The following FARP1 variants were observed in gnomAD, a reference collection of about 807,000 sequenced individuals.
The protein encoded by FARP1 is FERM, ARHGEF and pleckstrin domain-containing protein 1.
A neutral mutation model predicts 128.8 loss-of-function variants in FARP1; 52 were observed. That is an observed-to-expected ratio of 0.40 (90% CI 0.32 to 0.51). The LOEUF (loss-of-function observed/expected upper bound fraction) is 0.51. FARP1 is among the 20% of genes least tolerant of loss of function. The pLI is 0.45. For synonymous variants in FARP1, 580 were observed against 551.8 expected, an observed-to-expected ratio of 1.05 and a Z score of -0.72; for missense variants, 1,333 against 1,367.9, an observed-to-expected ratio of 0.97 and a Z score of 0.40.
At chr13:98,153,298 ATATAT>A (rs1163477450) in intron 1 of FARP1, among the ~76,000 whole-genome samples, 1 of 1,418 alleles carries the variant, frequency 7.1e-4, no homozygotes, top group African/African-American at 7.4e-4. Context: ...ATATATATAA[ATATAT>A]TTATATATAA....
chr13:98,254,290 T>C (rs1883483424), intron 2 of FARP1, among the ~76,000 whole-genome samples: 1 of 152,236 alleles, frequency 6.6e-6, no homozygotes, highest in South Asian at 2.1e-4. Flanking sequence ...GTTTAATTCT[T>C]AGCTCCGCTC....
chr13:98,212,202 C>T (rs998036736), intron 1 of FARP1, among the ~76,000 whole-genome samples: 9 of 152,222 alleles, frequency 5.9e-5, no homozygotes, highest in African/African-American at 2.2e-4. Context: ...ACTACAGGTA[C>T]ATGCCACCAC....
At chr13:98,401,728 G>A (rs1890780380) in intron 13 of FARP1, 1 of 151,620 alleles carries the variant, frequency 6.6e-6, no homozygotes, top group Non-Finnish European at 1.5e-5. Context: ...ACCTCAAGCA[G>A]GAGGAACTTT....
intron 3 of FARP1, among the ~76,000 whole-genome samples, chr13:98,359,343 C>A (rs1264311937): frequency 1.3e-5 from 2 of 152,222 alleles, no homozygotes; most frequent in Admixed American, 1.3e-4. Flanking sequence ...TGCCCCTGCT[C>A]TCATATCAAA....
intron 26 of FARP1, chr13:98,448,034 C>T (rs139037623): frequency 1.7e-6 from 1 of 599,458 alleles, no homozygotes; most frequent in Non-Finnish European, 3.0e-6. Context: ...CAGCTCCACA[C>T]TGAGTGAGTG....
At chr13:98,409,138 A>C (rs1251620630) in intron 13 of FARP1, among the ~76,000 whole-genome samples, 200 bp from the exon 14 acceptor site, 1 of 152,180 alleles carries the variant, frequency 6.6e-6, no homozygotes, top group East Asian at 1.9e-4. Flanking sequence ...ATGAGGCTCC[A>C]TTGAATCCTT....
chr13:98,363,868 A>G (rs1224763506), intron 3 of FARP1, among the ~76,000 whole-genome samples: 2 of 152,024 alleles, frequency 1.3e-5, no homozygotes. Flanking sequence ...CAGCCTCCCA[A>G]GTAGCTGGGA....
At chr13:98,272,539 C>G (rs1468153180) in intron 2 of FARP1, among the ~76,000 whole-genome samples, 1 of 152,164 alleles carries the variant, frequency 6.6e-6, no homozygotes, top group Non-Finnish European at 1.5e-5. Flanking sequence ...CTGTTTAAGT[C>G]ACTAGGGGCT....
rs1893043814 is a variant in FARP1, at chr13:98,448,953, C to CAAGTT, written c.*637_*641dup. 6.6e-6 allele frequency: 1 copy of CAAGTT among 152,200 alleles called. No individual in the cohort carries two copies. Among genetic ancestry groups the CAAGTT allele is most frequent in the Non-Finnish European group, 1.5e-5 (1 of 68,062 alleles). 9.4% of individuals were successfully genotyped at this position (152,200 alleles called of 1,614,324 possible). A position where few individuals can be genotyped will look rare whatever the true frequency, so the allele number is the denominator to read the frequency against. ...CCTGTTCCCAACCTACTTCTTGGTG[C>CAAGTT]AAGTTGACCAAATCGTTTTAAGTGG... On this transcript the variant is annotated 3_prime_UTR_variant, in exon 27 of 27. Transcript: ENST00000319562.
intron 1 of FARP1, among the ~76,000 whole-genome samples, chr13:98,173,767 G>A (rs1490351472): frequency 2.0e-5 from 3 of 152,172 alleles, no homozygotes; most frequent in Admixed American, 1.3e-4. Context: ...GTGTGATGTG[G>A]TGGGACCTGG....
chr13:98,179,406 G>C (rs561139042), intron 1 of FARP1, among the ~76,000 whole-genome samples: 35 of 152,300 alleles, frequency 2.3e-4, no homozygotes, highest in Admixed American at 1.6e-3. Context: ...TGGGGACATA[G>C]CCAAACCATA....
At chr13:98,301,770 GT>G (rs1885935504) in intron 2 of FARP1, among the ~76,000 whole-genome samples, 3 of 152,248 alleles carry the variant, frequency 2.0e-5, no homozygotes, top group Non-Finnish European at 4.4e-5. Context: ...AGAAGCCAGT[GT>G]TTTTATGTTT....
intron 2 of FARP1, among the ~76,000 whole-genome samples, chr13:98,258,296 AAACTT>A (rs2139523898): frequency 6.6e-6 from 1 of 152,296 alleles, no homozygotes; most frequent in South Asian, 2.1e-4. Flanking sequence ...TTTAAAAAGT[AAACTT>A]AAAGAAAAAA....
rs183912536 is a variant in FARP1 at position 98,438,785 on chromosome 13, C to T, written c.2275-19C>T. The T allele has an allele frequency of 2.2e-3, 3,504 of 1,610,010 alleles. 3 individuals carry two copies. Among genetic ancestry groups the T allele is most frequent in the Non-Finnish European group, 2.5e-3 (2,965 of 1,178,068 alleles). ...GTCCGCACGCTCGCAGCCAGCCCTC[C>T]GGTCTGTCTCCCCTGCAGGAGTTCA... On this transcript the variant is annotated intron_variant, in intron 19 of 26. Transcript: ENST00000319562.
At chr13:98,206,646 T>C (rs185583728) in intron 1 of FARP1, among the ~76,000 whole-genome samples, 1 of 152,338 alleles carries the variant, frequency 6.6e-6, no homozygotes, top group East Asian at 1.9e-4. Context: ...TGCTTATTGC[T>C]TTTGGATGAA....
At chr13:98,224,697 A>G (rs9513374) in intron 2 of FARP1, among the ~76,000 whole-genome samples, 14,147 of 152,028 alleles carry the variant, frequency 0.093, 731 homozygotes, top group Non-Finnish European at 0.11. Context: ...CCCCAGAGTA[A>G]GAGAGCTGAG....
chr13:98,311,851 T>TC lies in FARP1; in HGVS notation c.172-31911_172-31910insC, dbSNP rs1270153074. On this transcript the variant is annotated intron_variant, in intron 2 of 26. Transcript: ENST00000319562. ...CGTTTTGTTTTTTTTTGTTGTTTTT[T>TC]GTTTTTTTTTGAGACGGAGTCTCGC... Among the ~76,000 whole-genome samples the TC allele has an allele frequency of 1.6e-3, 155 of 94,254 alleles. 1 individual carries two copies. The highest frequency in any genetic ancestry group is 3.7e-3 in the African/African-American group (133 of 36,036). 61.8% of individuals were successfully genotyped at this position (94,254 alleles called of 152,430 possible). A position where few individuals can be genotyped will look rare whatever the true frequency, so the allele number is the denominator to read the frequency against.
At chr13:98,306,607 T>A (rs1886174882) in intron 2 of FARP1, among the ~76,000 whole-genome samples, 1 of 152,132 alleles carries the variant, frequency 6.6e-6, no homozygotes. Context: ...CTCGAACTCC[T>A]GGGCTTGATC....
chr13:98,338,820 GAAT>G (rs1345790691), intron 2 of FARP1: 1 of 152,190 alleles, frequency 6.6e-6, no homozygotes, highest in Non-Finnish European at 1.5e-5. Context: ...AACTCACTGG[GAAT>G]AAGTACAGAG....
Sources: allele counts gnomAD v4.1 joint callset (sites outside exome capture counted in the v4.1 genomes callset), GRCh38; gene constraint gnomAD v4.1.1; transcripts MANE v1.5; gene names NCBI Gene and HGNC (gene_info 2026-07-23, HGNC 2026-07-21).